The following B3GALT1 variants were observed in gnomAD, a reference collection of about 807,000 sequenced individuals.
B3GALT1 encodes the protein UDP-Gal:betaGlcNAc beta 1,3-galactosyltransferase, polypeptide 1.
In B3GALT1, 10 loss-of-function variants were observed where a neutral mutation model predicts 23.2. The observed-to-expected ratio is 0.43, with a 90% CI of 0.27 to 0.73. The LOEUF (loss-of-function observed/expected upper bound fraction) is 0.73, where lower values mean the gene tolerates loss of function less well. Ranked by LOEUF, B3GALT1 falls within the 30% of genes least tolerant of loss-of-function variation. The pLI is 0.21. For missense variants in B3GALT1, 299 were observed against 405.4 expected, an observed-to-expected ratio of 0.74 and a Z score of 2.25; for synonymous variants, 156 against 141.5, an observed-to-expected ratio of 1.10 and a Z score of -0.73.
intron 3 of B3GALT1, chr2:167,714,035 G>T: frequency 6.5e-7 from 1 of 1,540,256 alleles, no homozygotes; most frequent in Non-Finnish European, 9.0e-7. Context: ...AGGGAGAGAT[G>T]AATCAGGCAC....
chr2:167,449,364 T>TA (rs2105319056), intron 1 of B3GALT1, among the ~76,000 whole-genome samples: 1 of 152,276 alleles, frequency 6.6e-6, no homozygotes, highest in East Asian at 1.9e-4. Context: ...GAAGCTATTG[T>TA]AAAAGGTGTT....
At chr2:167,761,431 T>C (rs1687898204) in intron 3 of B3GALT1, among the ~76,000 whole-genome samples, 1 of 152,210 alleles carries the variant, frequency 6.6e-6, no homozygotes, top group Non-Finnish European at 1.5e-5. Context: ...GCTCAGTAGA[T>C]TCACAGCATT....
At chr2:167,753,189 T>C (rs1482229010) in intron 3 of B3GALT1, among the ~76,000 whole-genome samples, 5 of 152,228 alleles carry the variant, frequency 3.3e-5, no homozygotes, top group Non-Finnish European at 7.3e-5. Context: ...GTACTCATTT[T>C]AAATAAAGAA....
intron 1 of B3GALT1, among the ~76,000 whole-genome samples, chr2:167,338,796 A>G (rs1440569731): frequency 6.6e-6 from 1 of 152,102 alleles, no homozygotes; most frequent in Non-Finnish European, 1.5e-5. Context: ...CCCAATAAAC[A>G]AAGTATAAAA....
At chr2:167,715,829 C>A in intron 3 of B3GALT1, 1 of 1,613,930 alleles carries the variant, frequency 6.2e-7, no homozygotes, top group Non-Finnish European at 8.5e-7. Context: ...AAGCATTTCA[C>A]CAAGTTTTTT....
chr2:167,494,214 G>T (rs1699747156), intron 2 of B3GALT1, among the ~76,000 whole-genome samples: 1 of 151,738 alleles, frequency 6.6e-6, no homozygotes, highest in Non-Finnish European at 1.5e-5. Context: ...AGAATGAAGT[G>T]TATAATTTTA....
chr2:167,297,604 A>G (rs1696372808), intron 1 of B3GALT1, among the ~76,000 whole-genome samples: 1 of 152,114 alleles, frequency 6.6e-6, no homozygotes, highest in South Asian at 2.1e-4. Flanking sequence ...CCCAGGTTCT[A>G]TTCTTTTATG....
At chr2:167,860,012 T>C (rs1190965322) in intron 4 of B3GALT1, among the ~76,000 whole-genome samples, 1 of 152,160 alleles carries the variant, frequency 6.6e-6, no homozygotes, top group African/African-American at 2.4e-5. Context: ...GTGCTAATAG[T>C]GTTTTATGTC....
intron 1 of B3GALT1, among the ~76,000 whole-genome samples, chr2:167,410,490 C>CA (rs61261864): frequency 1.3e-4 from 14 of 111,708 alleles, no homozygotes; most frequent in South Asian, 6.3e-4. Flanking sequence ...GACTCCATCT[C>CA]AAAAAAAAAA....
At chr2:167,560,187 T>A (rs1334037031) in intron 2 of B3GALT1, among the ~76,000 whole-genome samples, 2 of 152,100 alleles carry the variant, frequency 1.3e-5, no homozygotes, top group Non-Finnish European at 2.9e-5. Context: ...AACCCAGAAT[T>A]TCATATCCAG....
chr2:167,621,526 C>T (rs1685258383), intron 2 of B3GALT1, among the ~76,000 whole-genome samples: 1 of 152,032 alleles, frequency 6.6e-6, no homozygotes, highest in Non-Finnish European at 1.5e-5. Context: ...AAGAGCTTTC[C>T]ATTATAAAGA....
chr2:167,536,609 A>G (rs1033108005), intron 2 of B3GALT1, among the ~76,000 whole-genome samples: 10 of 152,170 alleles, frequency 6.6e-5, no homozygotes, highest in African/African-American at 2.4e-4. Flanking sequence ...CAAAGCAATT[A>G]TTGTATTAGA....
chr2:167,839,604 C>T (rs1689585049), intron 4 of B3GALT1, among the ~76,000 whole-genome samples: 2 of 152,258 alleles, frequency 1.3e-5, no homozygotes, highest in African/African-American at 2.4e-5. Flanking sequence ...CCATACTGCC[C>T]AAGGTAATTT....
intron 1 of B3GALT1, among the ~76,000 whole-genome samples, chr2:167,473,807 A>T (rs1451686813): frequency 1.3e-5 from 2 of 152,174 alleles, no homozygotes; most frequent in East Asian, 3.9e-4. Context: ...AAAGGTACAG[A>T]CTTTAAAAAG....
chr2:167,626,558 T>G (rs1020947875), intron 2 of B3GALT1, among the ~76,000 whole-genome samples: 3 of 151,756 alleles, frequency 2.0e-5, no homozygotes, highest in Non-Finnish European at 4.4e-5. Context: ...ACAGTTCTTT[T>G]TAGTTCCTGA....
chr2:167,380,535 C>A (rs1033329733), intron 1 of B3GALT1, among the ~76,000 whole-genome samples: 2 of 152,074 alleles, frequency 1.3e-5, no homozygotes, highest in African/African-American at 4.8e-5. Context: ...AATCTCTGGC[C>A]CCAAACTAAA....
chr2:167,456,986 G>C (rs1231492370), intron 1 of B3GALT1, among the ~76,000 whole-genome samples: 3 of 152,040 alleles, frequency 2.0e-5, no homozygotes, highest in African/African-American at 7.2e-5. Flanking sequence ...TCGCTTTCTG[G>C]CAACCAGATC....
chr2:167,722,069 T>G (rs1383289200), intron 3 of B3GALT1, among the ~76,000 whole-genome samples: 5 of 152,238 alleles, frequency 3.3e-5, no homozygotes, highest in African/African-American at 1.2e-4. Context: ...TGAAGAAATT[T>G]ATTCTGTGTA....
chr2:167,685,873 A>G (rs956793915), intron 3 of B3GALT1, among the ~76,000 whole-genome samples: 18 of 152,236 alleles, frequency 1.2e-4, no homozygotes, highest in African/African-American at 4.1e-4. Context: ...AGCTAAGGAC[A>G]CGCACTGTTT....
Sources: allele counts gnomAD v4.1 joint callset (sites outside exome capture counted in the v4.1 genomes callset), GRCh38; gene constraint gnomAD v4.1.1; transcripts MANE v1.5; gene names NCBI Gene and HGNC (gene_info 2026-07-23, HGNC 2026-07-21).